Variants in ESYT2 observed in about 807,000 individuals in gnomAD.
The protein encoded by ESYT2 is extended synaptotagmin-2.
In ESYT2, 54 loss-of-function variants were observed where a neutral mutation model predicts 107.2. The ratio of observed to expected loss-of-function variants is 0.50; its 90% CI spans 0.40 to 0.63. The LOEUF is 0.63. Ranked by LOEUF, ESYT2 falls within the 30% of genes least tolerant of loss-of-function variation. The probability of loss-of-function intolerance (pLI) is 0.00; values close to 1 mark genes in which losing one functional copy is unlikely to be tolerated. For synonymous variants in ESYT2, 491 were observed against 434.1 expected (o/e 1.13, Z -1.63); for missense variants, 1,020 against 1,094.5 (o/e 0.93, Z 0.96).
intron 6 of ESYT2, among the ~76,000 whole-genome samples, chr7:158,776,734 T>C (rs1445717669): frequency 3.3e-5 from 5 of 152,258 alleles, no homozygotes; most frequent in African/African-American, 1.2e-4. Flanking sequence ...AGCACTTTTA[T>C]TTTCCTTCGA....
At chr7:158,778,074 A>G (rs1402059604) in intron 6 of ESYT2, among the ~76,000 whole-genome samples, 1 of 152,222 alleles carries the variant, frequency 6.6e-6, no homozygotes, top group Non-Finnish European at 1.5e-5. Context: ...TGTCGCATTC[A>G]TATTTTATAC....
At chr7:158,770,544 T>G (rs1433986857) in intron 7 of ESYT2, among the ~76,000 whole-genome samples, 5 of 151,708 alleles carry the variant, frequency 3.3e-5, no homozygotes, top group African/African-American at 4.8e-5. Context: ...AGACGGAGTC[T>G]CACTCTGTCG....
In ESYT2 at chr7:158,829,190, G is replaced by T; in HGVS notation, c.229C>A (p.Arg77Ser). Residue 77 changes from arginine (R) to serine (S), a missense_variant, in exon 1 of 23, where the codon CGC (arginine) becomes AGC (serine). By Grantham distance (110) the Arg-to-Ser change is moderately radical. Transcript: ENST00000275418. ...LALLAWCRRSRGLKALRLCRA... is the reference protein window; with the variant it reads ...LALLAWCRRSSGLKALRLCRA... ...CACAGGCGCAGGGCCTTGAGGCCGC[G>T]GCTGCGGCGACACCAGGCGAGCAGC... 1 of 1,535,350 alleles carries T rather than the reference G, an allele frequency of 6.5e-7. No homozygotes were observed. The highest frequency in any genetic ancestry group is 8.7e-7 in the Non-Finnish European group (1 of 1,149,018).
rs760061041 is a variant in ESYT2, at chr7:158,788,076, C to G, written c.675G>C (p.Arg225=). The G allele has an allele frequency of 1.9e-6, 3 of 1,613,854 alleles. No homozygotes were observed. The East Asian group carries it at 6.7e-5, about 36-fold the overall frequency. The change falls in exon 6 of 23, where the codon CGG becomes CGC. Residue 225 remains arginine (R), a synonymous_variant. Transcript: ENST00000275418. The part of the protein sequence containing the change: ...VKSIQIHGTM[R]VILEPLIGDM... ...CTCCAATCAACGGTTCCAGGATCAC[C>G]CGCATGGTACCATGAATCTAAACTC...
intron 7 of ESYT2, among the ~76,000 whole-genome samples, chr7:158,769,015 A>C (rs1485033241): frequency 6.6e-6 from 1 of 152,198 alleles, no homozygotes; most frequent in Non-Finnish European, 1.5e-5. Flanking sequence ...TGAAGTTGCG[A>C]AAGTACTTTG....
chr7:158,768,567 G>A (rs550663055), intron 7 of ESYT2, among the ~76,000 whole-genome samples: 13 of 152,172 alleles, frequency 8.5e-5, no homozygotes, highest in South Asian at 2.1e-4. Context: ...TTACAGGCGC[G>A]CACCACCACG....
At chr7:158,828,962 G>C in intron 1 of ESYT2, 127 bp downstream of exon 1, 1 of 1,358,732 alleles carries the variant, frequency 7.4e-7, no homozygotes. Context: ...ACGAAGGCGG[G>C]AGCCGGGGCA....
At chr7:158,737,276 T>G (rs1836995771) in intron 19 of ESYT2, 97 bp from the exon 20 acceptor site, 2 of 1,449,500 alleles carry the variant, frequency 1.4e-6, no homozygotes, top group Non-Finnish European at 1.9e-6. Flanking sequence ...GATTTCATGT[T>G]TATCTACAAA....
intron 13 of ESYT2, 110 bp downstream of exon 13, chr7:158,759,376 C>T (rs1222186582): frequency 7.2e-6 from 6 of 832,866 alleles, no homozygotes; most frequent in Non-Finnish European, 1.1e-5. Flanking sequence ...GAAGTGAAAA[C>T]ACAACAAGAA....
At chr7:158,822,129 CCT>C (rs1340727455) in intron 1 of ESYT2, among the ~76,000 whole-genome samples, 4 of 152,164 alleles carry the variant, frequency 2.6e-5, no homozygotes, top group Non-Finnish European at 1.5e-5. Context: ...AAATAAAATT[CCT>C]CTGAGACAGA....
In ESYT2 at chr7:158,807,245, C is replaced by T. The variant is rs191637921; in HGVS notation, c.331-8173G>A. On this transcript the variant is annotated intron_variant, in intron 1 of 22. Transcript: ENST00000275418. The stretch of plus-strand genomic sequence containing the variant: ...CAGCCTGGGCGACAGAGCAAGACTC[C>T]GTCTGAAGGAAAAAAAAAAAAAAAA... 6.8e-3 allele frequency among the ~76,000 whole-genome samples: 648 copies of T among 95,692 alleles called. 39 individuals carry two copies. The East Asian group carries it at 0.16, about 23-fold the overall frequency. The allele number at this position is 95,692 out of a possible 152,430, so 62.8% of individuals were successfully genotyped here.
intron 16 of ESYT2, 150 bp downstream of exon 16, chr7:158,748,044 G>C (rs1837462536): frequency 7.6e-6 from 5 of 657,830 alleles, no homozygotes; most frequent in South Asian, 2.0e-5. Context: ...CTGGGGCTAG[G>C]GGAGGCCCGG....
intron 6 of ESYT2, among the ~76,000 whole-genome samples, chr7:158,786,407 T>C (rs1300482418): frequency 6.6e-6 from 1 of 152,150 alleles, no homozygotes; most frequent in Non-Finnish European, 1.5e-5. Context: ...ATAGAGGACT[T>C]TTAATGACTG....
intron 4 of ESYT2, among the ~76,000 whole-genome samples, chr7:158,790,045 G>A (rs536225918): frequency 1.9e-4 from 22 of 116,654 alleles, no homozygotes; most frequent in African/African-American, 7.9e-4. Context: ...TCCTGGGGGC[G>A]GAGCGTCCTC....
intron 10 of ESYT2, 146 bp from the exon 11 acceptor site, chr7:158,761,690 T>G: frequency 1.5e-6 from 1 of 676,570 alleles, no homozygotes; most frequent in Non-Finnish European, 2.5e-6. Flanking sequence ...AACAAAACGC[T>G]AATAATTTAT....
chr7:158,779,344 G>C (rs1838689798), intron 6 of ESYT2, among the ~76,000 whole-genome samples: 1 of 152,032 alleles, frequency 6.6e-6, no homozygotes. Flanking sequence ...TTCCTTCTGT[G>C]AACAGTCACT....
At chr7:158,750,016 A>G (rs763804763) in intron 14 of ESYT2, among the ~76,000 whole-genome samples, 2 of 152,242 alleles carry the variant, frequency 1.3e-5, no homozygotes, top group Non-Finnish European at 2.9e-5. Context: ...ACACTTTTCG[A>G]AAGTTCTTTT....
chr7:158,764,175 T>TAC (rs1563635809), intron 9 of ESYT2, among the ~76,000 whole-genome samples: 1 of 152,224 alleles, frequency 6.6e-6, no homozygotes. Context: ...ATTCTACTTG[T>TAC]ACAGCATTGT....
At chr7:158,805,670 G>A (rs2129473795) in intron 1 of ESYT2, among the ~76,000 whole-genome samples, 1 of 152,286 alleles carries the variant, frequency 6.6e-6, no homozygotes, top group South Asian at 2.1e-4. Context: ...ATACCCTAAT[G>A]CTTTGGTGCA....
Sources: gnomAD v4.1 joint callset for allele counts (sites outside exome capture counted in the v4.1 genomes callset) on GRCh38, gnomAD v4.1.1 for gene constraint, MANE v1.5 for transcripts, NCBI Gene and HGNC (gene_info 2026-07-23, HGNC 2026-07-21) for gene names.